Variants in RNF130 observed in about 807,000 individuals in gnomAD.
RNF130 encodes ring finger protein 130.
In RNF130, 21 loss-of-function variants were observed where a neutral mutation model predicts 44.6. That is an observed-to-expected ratio of 0.47 (90% CI 0.33 to 0.68). The LOEUF (loss-of-function observed/expected upper bound fraction) is 0.68, where lower values mean the gene tolerates loss of function less well. Ranked by LOEUF, RNF130 falls within the 30% of genes least tolerant of loss-of-function variation. The pLI is 0.02. For missense variants in RNF130, 479 were observed against 560.6 expected, an observed-to-expected ratio of 0.85 and a Z score of 1.47; for synonymous variants, 214 against 210.4, an observed-to-expected ratio of 1.02 and a Z score of -0.15.
intron 3 of RNF130, among the ~76,000 whole-genome samples, chr5:179,997,487 C>G (rs575412795): frequency 6.6e-6 from 1 of 151,994 alleles, no homozygotes; most frequent in South Asian, 2.1e-4. Flanking sequence ...CCACACCCGG[C>G]TAATTTATTT....
intron 1 of RNF130, among the ~76,000 whole-genome samples, chr5:180,052,184 C>T (rs919001603): frequency 6.6e-6 from 1 of 152,218 alleles, no homozygotes; most frequent in Non-Finnish European, 1.5e-5. Flanking sequence ...CCCCTGCCTT[C>T]GACTACCACC....
chr5:180,053,754 T>A (rs1764738844), intron 1 of RNF130, among the ~76,000 whole-genome samples: 1 of 151,954 alleles, frequency 6.6e-6, no homozygotes, highest in Non-Finnish European at 1.5e-5. Flanking sequence ...GAGAATAACC[T>A]GAGAACTGCA....
At chr5:179,946,717 C>A (rs894948323) in intron 7 of RNF130, among the ~76,000 whole-genome samples, 5 of 152,058 alleles carry the variant, frequency 3.3e-5, no homozygotes, top group Admixed American at 6.5e-5. Context: ...CCACGCCCGG[C>A]TAATTTTTTT....
At chr5:179,951,308 A>G (rs540900176), downstream of RNF130, among the ~76,000 whole-genome samples, 18 of 152,308 alleles carry the variant, frequency 1.2e-4, no homozygotes, top group Non-Finnish European at 2.5e-4. Context: ...GAAAAACAAG[A>G]TAAGATTTGA....
intron 3 of RNF130, among the ~76,000 whole-genome samples, chr5:180,012,025 G>A (rs1006529504): frequency 6.6e-6 from 1 of 152,128 alleles, no homozygotes; most frequent in Non-Finnish European, 1.5e-5. Context: ...CACAGTCAGC[G>A]TTTGGGTATT....
At chr5:180,045,606 A>G (rs1193164167) in intron 1 of RNF130, among the ~76,000 whole-genome samples, 2 of 152,072 alleles carry the variant, frequency 1.3e-5, no homozygotes, top group African/African-American at 4.8e-5. Flanking sequence ...TAATTGGTCA[A>G]TTTTACAGAG....
rs149635785 is a variant in RNF130, at chr5:180,013,089, C to A, written c.665G>T (p.Arg222Met). Residue 222 changes from arginine (R) to methionine (M), a missense_variant, in exon 3 of 9, where the codon AGG (arginine) becomes ATG (methionine). Coordinates refer to ENST00000521389, the MANE Select transcript of RNF130 (RefSeq NM_018434.6). Reference protein sequence around the residue: ...WLIFYFIQKIRYTNARDRNQR... With the variant: ...WLIFYFIQKIMYTNARDRNQR... ...GTTCCTGTCGCGTGCATTTGTGTAC[C>A]TGATCTTCTGAATGAAGTAGAATAT... 6.2e-6 allele frequency: 10 copies of A among 1,613,724 alleles called. No homozygotes were observed. The African/African-American group carries it at 1.2e-4, about 19-fold the overall frequency.
downstream of RNF130, among the ~76,000 whole-genome samples, chr5:179,950,369 A>C (rs934919104): frequency 6.6e-6 from 1 of 152,172 alleles, no homozygotes; most frequent in Non-Finnish European, 1.5e-5. Context: ...CACTTGCCTC[A>C]GCCTCCCAAA....
chr5:180,047,734 A>C (rs2113153828), intron 1 of RNF130, among the ~76,000 whole-genome samples: 2 of 152,072 alleles, frequency 1.3e-5, no homozygotes, highest in Middle Eastern at 6.8e-3. Context: ...ACAGAGTGAG[A>C]CTCTGTCTAA....
chr5:180,040,442 T>C lies in RNF130; in HGVS notation c.442+11A>G, dbSNP rs768756869. The C allele has an allele frequency of 3.1e-6, 5 of 1,603,150 alleles. No individual in the cohort carries two copies. The highest frequency in any genetic ancestry group is 4.3e-6 in the Non-Finnish European group (5 of 1,173,088). On this transcript the variant is annotated intron_variant, in intron 2 of 8. Transcript: ENST00000521389. ...AGAAAAACAAAATCAACAACCCTCA[T>C]TTTTGTTTACCTGGATGAGTCATGG...
chr5:179,921,788 C>T (rs1027756244), intron 7 of RNF130, among the ~76,000 whole-genome samples: 8 of 148,938 alleles, frequency 5.4e-5, no homozygotes, highest in African/African-American at 1.3e-4. Flanking sequence ...TTTGGGAAGG[C>T]GAGGTGGGTG....
rs531571155 is a variant in RNF130, at chr5:179,980,184, G to C, written c.710C>G (p.Ala237Gly). 2 of 1,613,988 alleles carry C rather than the reference G, an allele frequency of 1.2e-6. No individual in the cohort carries two copies. Among genetic ancestry groups the C allele is most frequent in the South Asian group, 1.1e-5 (1 of 91,060 alleles). The change falls in exon 4 of 9, where the codon GCA (alanine) becomes GGA (glycine). Residue 237 changes from alanine to glycine, a missense_variant. Ala to Gly is a moderately conservative substitution (Grantham distance 60, BLOSUM62 0). Around this residue, in one of 3 missense-constraint regions of RNF130, gnomAD observed 180 missense variants for 275.1 expected, o/e 0.65. Transcript: ENST00000521389. ...RDRNQRRLGD[A>G]AKKAISKLTT... ...CAATTTACTGATGGCTTTCTTGGCT[G>C]CATCTCCGAGACGACGCTATGAAAA...
chr5:179,980,119 A>C lies in RNF130; in HGVS notation c.765+10T>G. The C allele has an allele frequency of 6.2e-7, 1 of 1,613,394 alleles. No individual in the cohort carries two copies. Among genetic ancestry groups the C allele is most frequent in the Non-Finnish European group, 8.5e-7 (1 of 1,179,454 alleles). The stretch of plus-strand genomic sequence containing the variant: ...ACTTTTACGGTGCTGAAGTTGTTTC[A>C]TGACTGTACCTTGTCACCCTTCTTT... On this transcript the variant is annotated intron_variant, in intron 4 of 8. Coordinates refer to ENST00000521389, the MANE Select transcript of RNF130 (RefSeq NM_018434.6).
chr5:180,041,019 A>C (rs1457037158), intron 1 of RNF130, among the ~76,000 whole-genome samples: 1 of 152,190 alleles, frequency 6.6e-6, no homozygotes, highest in Non-Finnish European at 1.5e-5. Context: ...ACTCTTACTC[A>C]TTCCTGTTCA....
At chr5:180,053,117 G>A (rs1764727460) in intron 1 of RNF130, among the ~76,000 whole-genome samples, 1 of 152,110 alleles carries the variant, frequency 6.6e-6, no homozygotes, top group South Asian at 2.1e-4. Flanking sequence ...GGAGCATGCC[G>A]AGGTCAACTG....
At chr5:179,988,985 G>A (rs61356660) in intron 3 of RNF130, among the ~76,000 whole-genome samples, 26,846 of 152,074 alleles carry the variant, frequency 0.18, 2,732 homozygotes, top group Middle Eastern at 0.24. Context: ...GTATTAGTCC[G>A]TTTTTATGCT....
chr5:179,969,946 G>A (rs1004414359), intron 6 of RNF130, among the ~76,000 whole-genome samples: 5 of 152,070 alleles, frequency 3.3e-5, no homozygotes, highest in African/African-American at 1.2e-4. Context: ...AGCCAAGATC[G>A]TGCCATTGTA....
intron 1 of RNF130, among the ~76,000 whole-genome samples, chr5:180,046,873 C>T (rs1582218392): frequency 1.3e-5 from 2 of 152,080 alleles, no homozygotes; most frequent in African/African-American, 2.4e-5. Context: ...GCTTTCCTTC[C>T]GGAATGTGAG....
intron 2 of RNF130, among the ~76,000 whole-genome samples, chr5:180,027,883 G>A (rs531985643): frequency 6.6e-5 from 10 of 152,326 alleles, no homozygotes; most frequent in Admixed American, 3.3e-4. Context: ...GGCTGCTGCC[G>A]GTGTGAGACT....
Sources: allele counts gnomAD v4.1 joint callset (sites outside exome capture counted in the v4.1 genomes callset), GRCh38; gene constraint gnomAD v4.1.1; regional missense constraint gnomAD v4.1.1; transcripts MANE v1.5; gene names NCBI Gene and HGNC (gene_info 2026-07-23, HGNC 2026-07-21).